NRG3: variants seen among roughly 807,000 people sequenced by gnomAD.
NRG3 encodes neuregulin 3, also known as pro-neuregulin-3, membrane-bound isoform.
A neutral mutation model predicts 66.9 loss-of-function variants in NRG3; 31 were observed. That is an observed-to-expected ratio of 0.46 (90% confidence interval 0.35 to 0.63). NRG3 has a LOEUF of 0.63. NRG3 is among the 20% of genes least tolerant of loss of function. The probability of loss-of-function intolerance (pLI) is 0.00; values close to 1 mark genes in which losing one functional copy is unlikely to be tolerated. For synonymous variants in NRG3, 393 were observed against 359.4 expected (o/e 1.09, Z -1.06); for missense variants, 910 against 878.9 (o/e 1.04, Z -0.45).
At chr10:82,066,511 C>T in intron 1 of NRG3, among the ~76,000 whole-genome samples, 1 of 152,142 alleles carries the variant, frequency 6.6e-6, no homozygotes, top group East Asian at 1.9e-4. Context: ...AAGGGACCCT[C>T]ATTTTGGTAT....
At chr10:82,429,209 T>A (rs2089639184) in intron 2 of NRG3, among the ~76,000 whole-genome samples, 1 of 152,066 alleles carries the variant, frequency 6.6e-6, no homozygotes. Context: ...TTGATACAGT[T>A]GTTTTTAAAT....
At chr10:82,240,427 T>A (rs2076958265) in intron 1 of NRG3, among the ~76,000 whole-genome samples, 2 of 152,228 alleles carry the variant, frequency 1.3e-5, no homozygotes, top group Non-Finnish European at 2.9e-5. Flanking sequence ...AGAATTATTT[T>A]CCACTAAATG....
intron 1 of NRG3, among the ~76,000 whole-genome samples, chr10:82,150,526 C>CAAAAAA (rs2070637635): frequency 5.8e-5 from 1 of 17,152 alleles, no homozygotes; most frequent in African/African-American, 1.5e-4. Flanking sequence ...AAAAAGAGCA[C>CAAAAAA]ACACAAAAAA....
At chr10:82,457,635 A>G (rs1055828730) in intron 2 of NRG3, among the ~76,000 whole-genome samples, 6 of 152,196 alleles carry the variant, frequency 3.9e-5, no homozygotes, top group Non-Finnish European at 2.9e-5. Flanking sequence ...GAGCTGAACC[A>G]AACTCCACGG....
At chr10:82,309,487 A>G (rs1299240484) in intron 1 of NRG3, among the ~76,000 whole-genome samples, 2 of 151,942 alleles carry the variant, frequency 1.3e-5, no homozygotes, top group Non-Finnish European at 2.9e-5. Context: ...AAATAGGTTT[A>G]CAGTCTCTTA....
chr10:82,615,174 C>G (rs535533716), intron 2 of NRG3, among the ~76,000 whole-genome samples: 2 of 152,258 alleles, frequency 1.3e-5, no homozygotes, highest in South Asian at 4.1e-4. Context: ...TAATTTATTA[C>G]TCATTAACTG....
intron 4 of NRG3, among the ~76,000 whole-genome samples, chr10:82,869,982 C>G (rs1266956768): frequency 2.7e-5 from 4 of 149,610 alleles, no homozygotes; most frequent in African/African-American, 5.0e-5. Context: ...ACCTTTTGTA[C>G]TGGCTTATTT....
rs1349869749 is a variant in NRG3, at chr10:82,043,787, A to T, written c.823+167624A>T. On this transcript the variant is annotated intron_variant, in intron 1 of 8. Transcript: ENST00000372141. ...AACTGCAACTTTAAGTCATACCACA[A>T]AATTGGTTTTGACATATAACAAAAC... Among the ~76,000 whole-genome samples the T allele has an allele frequency of 2.0e-5, 3 of 152,046 alleles. No individual in the cohort carries two copies. The East Asian group carries it at 5.8e-4, about 29-fold the overall frequency.
intron 2 of NRG3, among the ~76,000 whole-genome samples, chr10:82,455,940 T>C (rs142994073): frequency 2.8e-4 from 42 of 152,240 alleles, no homozygotes; most frequent in African/African-American, 9.9e-4. Flanking sequence ...ACTTATTTTT[T>C]AAATTTTATC....
At chr10:82,452,791 A>G (rs1047984140) in intron 2 of NRG3, among the ~76,000 whole-genome samples, 21 of 152,112 alleles carry the variant, frequency 1.4e-4, no homozygotes, top group African/African-American at 4.6e-4. Context: ...CACATTTGTC[A>G]TATAACTGTC....
At position 82,347,239 on chromosome 10, in the gene NRG3, T is replaced by C. The variant is rs868754726; in HGVS notation, c.824-11500T>C. On this transcript the variant is annotated intron_variant, in intron 1 of 8. Transcript: ENST00000372141. ...ATTTCCCTCTACACACTGCTTTGAA[T>C]ACATCCCAGAGATTCTGGTATGTTG... Among the ~76,000 whole-genome samples, 232 of 147,708 alleles carry C rather than the reference T, an allele frequency of 1.6e-3. 1 individual carries two copies. Among genetic ancestry groups the C allele is most frequent in the African/African-American group, 5.6e-3 (213 of 38,118 alleles).
chr10:82,582,168 T>G (rs1029111729), intron 2 of NRG3, among the ~76,000 whole-genome samples: 1 of 152,130 alleles, frequency 6.6e-6, no homozygotes, highest in African/African-American at 2.4e-5. Flanking sequence ...TCAGTCTTAG[T>G]TGCTTTGGCT....
At chr10:82,442,335 A>G (rs2090474396) in intron 2 of NRG3, among the ~76,000 whole-genome samples, 1 of 152,216 alleles carries the variant, frequency 6.6e-6, no homozygotes, top group African/African-American at 2.4e-5. Context: ...GCCAGTAAAC[A>G]TAATTATAAA....
chr10:82,015,755 C>A (rs961536637), intron 1 of NRG3, among the ~76,000 whole-genome samples: 1 of 151,822 alleles, frequency 6.6e-6, no homozygotes, highest in Admixed American at 6.6e-5. Flanking sequence ...TCTGTCTTCA[C>A]TATTTACTAG....
chr10:82,459,584 G>A (rs2091424216), intron 2 of NRG3, among the ~76,000 whole-genome samples: 1 of 152,174 alleles, frequency 6.6e-6, no homozygotes, highest in African/African-American at 2.4e-5. Context: ...AAGAAAAACA[G>A]TGCTGCTCTG....
intron 2 of NRG3, among the ~76,000 whole-genome samples, chr10:82,504,627 G>A (rs1466535790): frequency 1.3e-5 from 2 of 152,174 alleles, no homozygotes; most frequent in Non-Finnish European, 2.9e-5. Flanking sequence ...GACTAATGAT[G>A]TTAAGCAGAA....
At chr10:82,574,748 G>T (rs1485322397) in intron 2 of NRG3, among the ~76,000 whole-genome samples, 1 of 151,726 alleles carries the variant, frequency 6.6e-6, no homozygotes, top group Non-Finnish European at 1.5e-5. Flanking sequence ...GTGTCATTTT[G>T]ATACCATAGA....
intron 3 of NRG3, among the ~76,000 whole-genome samples, chr10:82,821,329 C>A (rs1029382872): frequency 1.3e-5 from 2 of 152,126 alleles, no homozygotes; most frequent in Non-Finnish European, 2.9e-5. Context: ...TCTGAAAGGG[C>A]CTTTTTACAG....
intron 2 of NRG3, among the ~76,000 whole-genome samples, chr10:82,380,724 A>T (rs571583669): frequency 9.8e-5 from 15 of 152,312 alleles, no homozygotes; most frequent in African/African-American, 3.4e-4. Context: ...GTACATTGGT[A>T]TAACAACTTT....
Sources: gnomAD v4.1 joint callset for allele counts (sites outside exome capture counted in the v4.1 genomes callset) on GRCh38, gnomAD v4.1.1 for gene constraint, MANE v1.5 for transcripts, NCBI Gene and HGNC (gene_info 2026-07-23, HGNC 2026-07-21) for gene names.